TMCC1: variants seen among roughly 807,000 people sequenced by gnomAD.
TMCC1 encodes the protein transmembrane and coiled-coil domain family 1, also known as transmembrane and coiled-coil domains protein 1.
A neutral mutation model predicts 52.4 loss-of-function variants in TMCC1; 15 were observed. The observed-to-expected ratio is 0.29, with a 90% CI of 0.19 to 0.44. TMCC1 has a LOEUF of 0.44. Among genes scored for constraint, TMCC1 ranks in the 20% least tolerant of loss-of-function variants. The pLI is 1.00. For synonymous variants in TMCC1, 279 were observed against 301.9 expected, an observed-to-expected ratio of 0.92 and a Z score of 0.79; for missense variants, 503 against 806.0, an observed-to-expected ratio of 0.62 and a Z score of 4.55.
At chr3:129,869,080 G>A (rs1276928583) in intron 2 of TMCC1, 1 of 151,950 alleles carries the variant, frequency 6.6e-6, no homozygotes, top group African/African-American at 2.4e-5. Flanking sequence ...GGTGACTCTT[G>A]GTGGGCCTCT....
intron 4 of TMCC1, among the ~76,000 whole-genome samples, chr3:129,763,129 C>T (rs947738229): frequency 2.0e-5 from 3 of 148,966 alleles, no homozygotes; most frequent in African/African-American, 7.4e-5. Context: ...ACCCGGGAGG[C>T]GGAGCTTGCA....
intron 2 of TMCC1, among the ~76,000 whole-genome samples, chr3:129,862,397 A>C (rs1484222737): frequency 6.6e-6 from 1 of 152,254 alleles, no homozygotes; most frequent in African/African-American, 2.4e-5. Context: ...GCTGTAAAGC[A>C]AAATGTTAAT....
At chr3:129,759,972 C>T (rs1185198415) in intron 4 of TMCC1, among the ~76,000 whole-genome samples, 1 of 151,844 alleles carries the variant, frequency 6.6e-6, no homozygotes, top group African/African-American at 2.4e-5. Context: ...CCACCCGCCT[C>T]GGCCTCCCAA....
At chr3:129,801,442 C>T (rs1363706033) in intron 4 of TMCC1, among the ~76,000 whole-genome samples, 2 of 151,996 alleles carry the variant, frequency 1.3e-5, no homozygotes, top group Admixed American at 6.6e-5. Flanking sequence ...TGCCAATACA[C>T]GCCTGTTTTT....
intron 1 of TMCC1, among the ~76,000 whole-genome samples, chr3:129,881,573 T>C (rs189453109): frequency 6.6e-6 from 1 of 152,340 alleles, no homozygotes; most frequent in East Asian, 1.9e-4. Flanking sequence ...TAAATGTTAA[T>C]ATGACATACA....
intron 2 of TMCC1, among the ~76,000 whole-genome samples, chr3:129,857,561 A>T (rs538319056): frequency 1.0e-3 from 157 of 151,762 alleles, no homozygotes; most frequent in African/African-American, 3.4e-3. Context: ...CTTTTTTTTT[A>T]ATATTTTTTT....
intron 4 of TMCC1, among the ~76,000 whole-genome samples, chr3:129,810,547 A>C (rs1423629043): frequency 2.6e-5 from 4 of 152,212 alleles, no homozygotes; most frequent in Admixed American, 1.3e-4. Flanking sequence ...ATGTACAGAA[A>C]CTTAAGCAAG....
intron 4 of TMCC1, among the ~76,000 whole-genome samples, chr3:129,771,533 G>T (rs954579220): frequency 6.6e-6 from 1 of 152,002 alleles, no homozygotes; most frequent in African/African-American, 2.4e-5. Flanking sequence ...CCAGCACCCT[G>T]GGAGGCGGAG....
At chr3:129,866,020 A>G (rs1407506766) in intron 2 of TMCC1, among the ~76,000 whole-genome samples, 1 of 152,020 alleles carries the variant, frequency 6.6e-6, no homozygotes, top group Non-Finnish European at 1.5e-5. Context: ...ATCATATACC[A>G]TAGTTTATGG....
intron 4 of TMCC1, among the ~76,000 whole-genome samples, chr3:129,737,072 A>G (rs2051034701): frequency 6.6e-6 from 1 of 152,200 alleles, no homozygotes; most frequent in African/African-American, 2.4e-5. Flanking sequence ...ATATGTTGGA[A>G]CCTAATACCC....
intron 2 of TMCC1, among the ~76,000 whole-genome samples, chr3:129,833,733 C>A (rs566584428): frequency 1.7e-3 from 252 of 151,626 alleles, no homozygotes; most frequent in African/African-American, 5.8e-3. Context: ...CATGTCTCTA[C>A]CAAAAAAAAA....
intron 4 of TMCC1, among the ~76,000 whole-genome samples, chr3:129,762,552 T>C (rs1016145694): frequency 2.0e-5 from 3 of 150,696 alleles, no homozygotes; most frequent in Non-Finnish European, 4.4e-5. Flanking sequence ...CTTTGGTAGG[T>C]CAAGGCGGGA....
intron 4 of TMCC1, among the ~76,000 whole-genome samples, chr3:129,694,897 A>T (rs193232950): frequency 5.3e-5 from 8 of 152,044 alleles, no homozygotes; most frequent in Admixed American, 4.6e-4. Context: ...CTTGTGCGAG[A>T]TCCAAGAACC....
chr3:129,736,813 C>T (rs1007707283), intron 4 of TMCC1, among the ~76,000 whole-genome samples: 10 of 151,978 alleles, frequency 6.6e-5, no homozygotes, highest in African/African-American at 2.4e-4. Context: ...AGCCACTGCG[C>T]CCGGCCGCAA....
At chr3:129,785,636 G>A (rs928229721) in intron 4 of TMCC1, among the ~76,000 whole-genome samples, 25 of 152,026 alleles carry the variant, frequency 1.6e-4, no homozygotes, top group African/African-American at 6.0e-4. Flanking sequence ...ACACTCAGGT[G>A]TTGTTTATAC....
At chr3:129,674,321 C>T (rs181936816) in intron 4 of TMCC1, among the ~76,000 whole-genome samples, 3 of 152,292 alleles carry the variant, frequency 2.0e-5, no homozygotes, top group African/African-American at 7.2e-5. Flanking sequence ...TCAGAATCAT[C>T]AACATGCCTG....
chr3:129,839,259 G>A (rs1483994703), intron 2 of TMCC1, among the ~76,000 whole-genome samples: 2 of 152,130 alleles, frequency 1.3e-5, no homozygotes, highest in Non-Finnish European at 2.9e-5. Flanking sequence ...AACAACAATG[G>A]CAAAAGGGAA....
At chr3:129,671,548 C>G (rs551875975) in intron 4 of TMCC1, among the ~76,000 whole-genome samples, 4 of 152,328 alleles carry the variant, frequency 2.6e-5, no homozygotes, top group African/African-American at 9.6e-5. Context: ...CACAATAACA[C>G]TCCCTTAGTG....
At chr3:129,766,422 C>T (rs1485628173) in intron 4 of TMCC1, among the ~76,000 whole-genome samples, 2 of 152,100 alleles carry the variant, frequency 1.3e-5, no homozygotes, top group Non-Finnish European at 2.9e-5. Context: ...ACAGAGAATA[C>T]AAAGATGACT....
Sources: allele counts gnomAD v4.1 joint callset (sites outside exome capture counted in the v4.1 genomes callset), GRCh38; gene constraint gnomAD v4.1.1; transcripts MANE v1.5; gene names NCBI Gene and HGNC (gene_info 2026-07-23, HGNC 2026-07-21).